UBTF: variants seen among roughly 807,000 people sequenced by gnomAD.
UBTF encodes the protein nucleolar transcription factor 1.
A neutral mutation model predicts 112.3 loss-of-function variants in UBTF; 8 were observed. The ratio of observed to expected loss-of-function variants is 0.07; its 90% CI spans 0.04 to 0.13. The LOEUF (loss-of-function observed/expected upper bound fraction) is 0.13. Ranked by LOEUF, UBTF falls within the 10% of genes least tolerant of loss-of-function variation. UBTF has a pLI of 1.00. For missense variants in UBTF, 457 were observed against 982.1 expected, an observed-to-expected ratio of 0.47 and a Z score of 7.15; for synonymous variants, 417 against 373.1, an observed-to-expected ratio of 1.12 and a Z score of -1.36.
intron 5 of UBTF, chr17:44,215,372 G>C (rs1221839151): frequency 1.1e-5 from 5 of 447,876 alleles, no homozygotes; most frequent in Non-Finnish European, 1.6e-5. Flanking sequence ...TGGGTGTATG[G>C]GGGAGAGAGA....
chr17:44,215,956 G>A lies in UBTF; in HGVS notation c.268C>T (p.Leu90Phe). The A allele has an allele frequency of 6.2e-7, 1 of 1,614,028 alleles. No homozygotes were observed. The highest frequency in any genetic ancestry group is 8.5e-7 in the Non-Finnish European group (1 of 1,180,000). ...TTTTTAACATGTTCCTGAGCATCGA[G>A]GATCAATTCTGTCAATGTACGGAAC... ...RKFRTLTELI[L>F]DAQEHVKNPY... Residue 90 changes from leucine to phenylalanine, a missense_variant, in exon 4 of 21, where the codon CTC (leucine) becomes TTC (phenylalanine). Leu to Phe is a conservative substitution (Grantham distance 22, BLOSUM62 0). This residue lies in a region of UBTF where 26 missense variants were observed against 132.9 expected (regional missense o/e 0.20). Coordinates refer to ENST00000436088, the MANE Select transcript of UBTF (RefSeq NM_014233.4).
intron 13 of UBTF, 98 bp from the exon 14 acceptor site, chr17:44,210,571 T>A (rs1250950773): frequency 3.5e-6 from 5 of 1,443,490 alleles, no homozygotes; most frequent in African/African-American, 1.4e-5. Context: ...GGCAGAAGCA[T>A]GGGCTGGTGC....
At chr17:44,210,581 C>G (rs1051566839) in intron 13 of UBTF, 108 bp from the exon 14 acceptor site, 8 of 1,417,048 alleles carry the variant, frequency 5.6e-6, no homozygotes, top group Non-Finnish European at 7.4e-6. Context: ...TGGGCTGGTG[C>G]AGATGTCTCC....
chr17:44,211,527 C>T lies in UBTF; in HGVS notation c.1047+79G>A. 6.4e-7 allele frequency: 1 copy of T among 1,569,128 alleles called. No individual in the cohort carries two copies. The highest frequency in any genetic ancestry group is 8.6e-7 in the Non-Finnish European group (1 of 1,157,924). On this transcript the variant is annotated intron_variant, in intron 10 of 20. Coordinates refer to ENST00000436088, the MANE Select transcript of UBTF (RefSeq NM_014233.4). This position sits in a 1 kb window ranked among gnomAD's most constrained non-coding sequence, Gnocchi z 4.9. The stretch of plus-strand genomic sequence containing the variant: ...GGCAGGTACCCAAGGCACACGCCAC[C>T]AGGGACTGACTGGCCCAAGATGGGA...
At position 44,207,231 on chromosome 17, in the gene UBTF, G is replaced by A. The variant is rs770642757; in HGVS notation, c.*11C>T. 1.2e-5 allele frequency: 20 copies of A among 1,613,424 alleles called. No individual in the cohort carries two copies. The highest frequency in any genetic ancestry group is 1.7e-4 in the Middle Eastern group (1 of 6,056). ...GGGCTCTCCCTGGCTGCCCTGGGGT[G>A]GGGCTGAGCCTCAGTTGGAGTCAGA... On this transcript the variant is annotated 3_prime_UTR_variant, in exon 21 of 21. Coordinates refer to ENST00000436088, the MANE Select transcript of UBTF (RefSeq NM_014233.4).
intron 6 of UBTF, 64 bp downstream of exon 6, chr17:44,213,154 C>T: frequency 1.3e-6 from 2 of 1,580,066 alleles, no homozygotes; most frequent in Non-Finnish European, 1.7e-6. Flanking sequence ...AGGCTCTGGC[C>T]AGGGTTAGCC....
chr17:44,208,092 ATTTTTTT>A (rs57107684), intron 17 of UBTF, among the ~76,000 whole-genome samples, 181 bp from the exon 18 acceptor site: 1,295 of 117,982 alleles, frequency 0.011, 12 homozygotes, highest in Non-Finnish European at 0.018. Context: ...CACAGCTCTA[ATTTTTTT>A]TTTTTTTTTT....
In UBTF at chr17:44,212,249, G is replaced by A. The variant is rs562911464; in HGVS notation, c.771+95C>T. 5.2e-5 allele frequency: 56 copies of A among 1,078,012 alleles called. No homozygotes were observed. The African/African-American group carries it at 6.9e-4, about 13-fold the overall frequency. The allele number at this position is 1,078,012 out of a possible 1,614,324, so 66.8% of individuals were successfully genotyped here. On this transcript the variant is annotated intron_variant, in intron 8 of 20. Transcript: ENST00000436088. ...AGGCCCCTCCCTCAACAGAGGGATG[G>A]GGAGTGACACCTCCCGCAGAGTGCG...
intron 2 of UBTF, among the ~76,000 whole-genome samples, chr17:44,217,771 T>C (rs1465039978): frequency 6.6e-6 from 1 of 152,198 alleles, no homozygotes; most frequent in Non-Finnish European, 1.5e-5. Flanking sequence ...AACAGCCCTT[T>C]TCTCCACCTG....
Position 44,207,835 on chromosome 17 carries a change from C to T in UBTF, c.1953+29G>A, listed in dbSNP as rs201072591. On this transcript the variant is annotated intron_variant, in intron 18 of 20. Transcript: ENST00000436088. ...ACACCCCTGAATTCCCCCACCCCTA[C>T]CCCACTGCTGCTCTGCTCCCAGACT... 456 of 1,614,138 alleles carry T rather than the reference C, an allele frequency of 2.8e-4. 2 individuals carry two copies. Among genetic ancestry groups the T allele is most frequent in the Non-Finnish European group, 4.9e-5 (58 of 1,180,034 alleles).
In UBTF at chr17:44,206,928, G is replaced by GTCCA. The variant is rs2056276628; in HGVS notation, c.*310_*313dup. 1 of 466,726 alleles carries GTCCA rather than the reference G, an allele frequency of 2.1e-6. No homozygotes were observed. The highest frequency in any genetic ancestry group is 3.3e-5 in the East Asian group (1 of 29,982). 28.9% of individuals were successfully genotyped at this position (466,726 alleles called of 1,614,324 possible). A position where few individuals can be genotyped will look rare whatever the true frequency, so the allele number is the denominator to read the frequency against. On this transcript the variant is annotated 3_prime_UTR_variant, in exon 21 of 21. Coordinates refer to ENST00000436088, the MANE Select transcript of UBTF (RefSeq NM_014233.4). The stretch of plus-strand genomic sequence containing the variant: ...TGGGACCCCCCACCCCCACTCTCCG[G>GTCCA]TCCATTGTCCATGCCGGAACCGCAA...
In UBTF at chr17:44,215,576, C is replaced by G. The variant is rs570857474; in HGVS notation, c.474+78G>C. 5.1e-6 allele frequency: 8 copies of G among 1,569,302 alleles called. No homozygotes were observed. In the African/African-American group the frequency reaches 1.1e-4, roughly 21 times the overall value. On this transcript the variant is annotated intron_variant, in intron 5 of 20. Transcript: ENST00000436088. ...TCCCTGATGCCAGGTTTCTCCAAGG[C>G]CTACCTCCAACTGACCCACACCACA...
At chr17:44,216,786 T>C in intron 2 of UBTF, 82 bp from the exon 3 acceptor site, 1 of 1,423,558 alleles carries the variant, frequency 7.0e-7, no homozygotes, top group Non-Finnish European at 9.9e-7. Flanking sequence ...TGCTCAACTC[T>C]TCCTCCCTAG....
chr17:44,209,496 C>G lies in UBTF; in HGVS notation c.1761G>C (p.Glu587Asp). 1 of 1,613,794 alleles carries G rather than the reference C, an allele frequency of 6.2e-7. No individual in the cohort carries two copies. Among genetic ancestry groups the G allele is most frequent in the Non-Finnish European group, 8.5e-7 (1 of 1,179,740 alleles). Reference sequence around the variant, plus strand: ...GCTCCTTCAGCGGCAGGTGGTTCAGCTCCCCATTGGACAGCAGCTCCTGGG... The same window carrying G: ...GCTCCTTCAGCGGCAGGTGGTTCAGGTCCCCATTGGACAGCAGCTCCTGGG... ...KFSQELLSNG[E>D]LNHLPLKERM... The change falls in exon 17 of 21, where the codon GAG becomes GAC. Residue 587 changes from glutamate to aspartate, a missense_variant. Glu to Asp is a conservative substitution (Grantham distance 45). Around this residue, in one of 7 missense-constraint regions of UBTF, gnomAD observed 77 missense variants for 211.9 expected, o/e 0.36. Coordinates refer to ENST00000436088, the MANE Select transcript of UBTF (RefSeq NM_014233.4).
chr17:44,210,761 G>C (rs750742321), intron 13 of UBTF, 31 bp downstream of exon 13: 61 of 1,552,390 alleles, frequency 3.9e-5, no homozygotes, highest in Non-Finnish European at 5.1e-5. Flanking sequence ...CAGCCCCCCT[G>C]GGGGCACAGC....
In UBTF at chr17:44,213,321, G is replaced by A. The variant is rs746931895; in HGVS notation, c.475-39C>T. 5 of 1,600,480 alleles carry A rather than the reference G, an allele frequency of 3.1e-6. 1 individual carries two copies. Among genetic ancestry groups the A allele is most frequent in the South Asian group, 2.2e-5 (2 of 89,580 alleles). On this transcript the variant is annotated intron_variant, in intron 5 of 20. Transcript: ENST00000436088. Reference sequence around the variant, plus strand: ...GGGATGGGGTCACTCAGGACCCAAGGGTATCTCACCCTGAGCTATGAAGGC... The same window carrying A: ...GGGATGGGGTCACTCAGGACCCAAGAGTATCTCACCCTGAGCTATGAAGGC...
chr17:44,213,174 G>GC (rs757950579), intron 6 of UBTF, 44 bp downstream of exon 6: 3 of 1,600,106 alleles, frequency 1.9e-6, no homozygotes, highest in Non-Finnish European at 2.6e-6. Flanking sequence ...CTATTCTGCT[G>GC]CCCCCAGTGC....
intron 7 of UBTF, among the ~76,000 whole-genome samples, 156 bp from the exon 8 acceptor site, chr17:44,212,610 C>T (rs1429013789): frequency 3.9e-5 from 6 of 152,182 alleles, no homozygotes; most frequent in African/African-American, 1.4e-4. Flanking sequence ...AGGCGGGGAT[C>T]CCGCCTGGGT....
rs756802533 is a variant in UBTF at position 44,207,574 on chromosome 17, CTCT to C, written c.2046_2048del (p.Glu683del). The C allele has an allele frequency of 1.8e-5, 29 of 1,614,020 alleles. No homozygotes were observed. The highest frequency in any genetic ancestry group is 2.3e-5 in the Non-Finnish European group (27 of 1,180,004). On this transcript the variant is annotated inframe_deletion, in exon 20 of 21. Transcript: ENST00000436088. ...CATCCTCGTCCTCGTCATCCTCATC[CTCT>C]TCATCATCCTCCTCGGACTCCTTGG... is the stretch of plus-strand genomic sequence containing the variant.
Sources: allele counts gnomAD v4.1 joint callset (sites outside exome capture counted in the v4.1 genomes callset), GRCh38; gene constraint gnomAD v4.1.1; regional missense constraint gnomAD v4.1.1; non-coding constraint Gnocchi (gnomAD v3.1); transcripts MANE v1.5; gene names NCBI Gene and HGNC (gene_info 2026-07-23, HGNC 2026-07-21).